SLC24A2: variants seen among roughly 807,000 people sequenced by gnomAD.
The protein encoded by SLC24A2 is solute carrier family 24 member 2, also known as sodium/potassium/calcium exchanger 2.
Under a neutral mutation model 62.0 loss-of-function variants are expected in SLC24A2, and 36 were observed. The observed-to-expected ratio is 0.58, with a 90% CI of 0.44 to 0.77. The LOEUF is 0.77. SLC24A2 is among the 30% of genes least tolerant of loss of function. SLC24A2 has a pLI of 0.00. For synonymous variants in SLC24A2, 358 were observed against 294.0 expected, an observed-to-expected ratio of 1.22 and a Z score of -2.23; for missense variants, 846 against 817.9, an observed-to-expected ratio of 1.03 and a Z score of -0.42.
chr9:20,258,377 C>A, the SLC24A2 span, among the ~76,000 whole-genome samples: 1 of 152,200 alleles, frequency 6.6e-6, no homozygotes, highest in African/African-American at 2.4e-5. Flanking sequence ...CCAGGTTTAT[C>A]TTTGAGGGTG....
intron 7 of SLC24A2, among the ~76,000 whole-genome samples, chr9:19,559,944 G>C (rs1485482908): frequency 6.6e-6 from 1 of 152,132 alleles, no homozygotes; most frequent in African/African-American, 2.4e-5. Context: ...CTGGGTTGTG[G>C]ATCATTTTGG....
At chr9:19,871,396 A>G in the SLC24A2 span, among the ~76,000 whole-genome samples, 1 of 152,174 alleles carries the variant, frequency 6.6e-6, no homozygotes, top group African/African-American at 2.4e-5. Flanking sequence ...AAGAACAGAA[A>G]GATTGATGTT....
At chr9:20,266,954 C>G in the SLC24A2 span, among the ~76,000 whole-genome samples, 3 of 151,700 alleles carry the variant, frequency 2.0e-5, no homozygotes, top group South Asian at 4.2e-4. Flanking sequence ...TAGTGGAACA[C>G]ATCTGTAGTC....
the SLC24A2 span, among the ~76,000 whole-genome samples, chr9:20,221,021 T>C: frequency 6.6e-6 from 1 of 152,168 alleles, no homozygotes; most frequent in East Asian, 1.9e-4. Context: ...GTTTACAAAA[T>C]AGGCAAAAAA....
the SLC24A2 span, among the ~76,000 whole-genome samples, chr9:20,051,427 G>T: frequency 3.3e-5 from 5 of 151,930 alleles, no homozygotes; most frequent in Non-Finnish European, 4.4e-5. Flanking sequence ...CTCAGTATTT[G>T]ATAGAACAGA....
the SLC24A2 span, among the ~76,000 whole-genome samples, chr9:20,293,979 G>A: frequency 9.9e-5 from 15 of 152,130 alleles, no homozygotes; most frequent in East Asian, 3.9e-4. Context: ...CTCCCATTCC[G>A]TGTATCTCTG....
chr9:19,688,955 T>C (rs1452433207), intron 2 of SLC24A2, among the ~76,000 whole-genome samples: 1 of 152,134 alleles, frequency 6.6e-6, no homozygotes, highest in African/African-American at 2.4e-5. Context: ...ACATGAAACT[T>C]TAGATTCTAT....
the SLC24A2 span, among the ~76,000 whole-genome samples, chr9:19,833,631 G>A: frequency 9.9e-5 from 15 of 152,246 alleles, no homozygotes; most frequent in Non-Finnish European, 1.9e-4. Flanking sequence ...GTCTGCCTCT[G>A]TAGGCTCCAC....
the SLC24A2 span, among the ~76,000 whole-genome samples, chr9:19,942,890 A>G: frequency 6.6e-6 from 1 of 152,296 alleles, no homozygotes; most frequent in South Asian, 2.1e-4. Flanking sequence ...GTTGTAAACA[A>G]AATTCACTAT....
chr9:20,059,155 G>T, the SLC24A2 span, among the ~76,000 whole-genome samples: 1 of 152,186 alleles, frequency 6.6e-6, no homozygotes, highest in Non-Finnish European at 1.5e-5. Flanking sequence ...ATGTGATTAA[G>T]AATTCCAAGA....
chr9:19,960,817 T>C, the SLC24A2 span, among the ~76,000 whole-genome samples: 1 of 152,186 alleles, frequency 6.6e-6, no homozygotes, highest in Non-Finnish European at 1.5e-5. Context: ...TTCACAGGGT[T>C]GTCGTGAGCA....
At chr9:19,722,659 A>G (rs1184782740) in intron 2 of SLC24A2, among the ~76,000 whole-genome samples, 1 of 4,204 alleles carries the variant, frequency 2.4e-4, no homozygotes, top group Non-Finnish European at 4.3e-4. Flanking sequence ...TAGGATATTA[A>G]AAAAAAAAAA....
At chr9:20,043,563 G>A in the SLC24A2 span, among the ~76,000 whole-genome samples, 2 of 152,246 alleles carry the variant, frequency 1.3e-5, no homozygotes, top group African/African-American at 4.8e-5. Flanking sequence ...GAGTTTGGAA[G>A]AAGCTGATTC....
chr9:19,517,412 A>T (rs1832984829), intron 10 of SLC24A2, among the ~76,000 whole-genome samples: 2 of 152,180 alleles, frequency 1.3e-5, no homozygotes, highest in Non-Finnish European at 2.9e-5. Flanking sequence ...CTCTTTTGAA[A>T]CATTACATTC....
At chr9:20,112,003 G>T in the SLC24A2 span, among the ~76,000 whole-genome samples, 1 of 152,092 alleles carries the variant, frequency 6.6e-6, no homozygotes, top group Admixed American at 6.6e-5. Context: ...ATATAGTTTT[G>T]AATAATAACT....
the SLC24A2 span, among the ~76,000 whole-genome samples, chr9:20,101,680 G>C: frequency 6.6e-6 from 1 of 152,066 alleles, no homozygotes; most frequent in Non-Finnish European, 1.5e-5. Context: ...CTTTCCCTTT[G>C]GGAAAGTAAG....
At chr9:19,871,266 C>T in the SLC24A2 span, among the ~76,000 whole-genome samples, 1 of 152,106 alleles carries the variant, frequency 6.6e-6, no homozygotes, top group Non-Finnish European at 1.5e-5. Flanking sequence ...GAACATAATT[C>T]ATTTTTTCTT....
chr9:19,984,113 G>A, the SLC24A2 span, among the ~76,000 whole-genome samples: 1 of 152,294 alleles, frequency 6.6e-6, no homozygotes, highest in South Asian at 2.1e-4. Context: ...TTATCAGAAT[G>A]TAACCCTGTT....
chr9:19,981,509 A>G, the SLC24A2 span, among the ~76,000 whole-genome samples: 1 of 152,146 alleles, frequency 6.6e-6, no homozygotes, highest in Non-Finnish European at 1.5e-5. Flanking sequence ...GTTTTTTTTA[A>G]TTTTTGGAAT....
Sources: gnomAD v4.1 joint callset for allele counts (sites outside exome capture counted in the v4.1 genomes callset) on GRCh38, gnomAD v4.1.1 for gene constraint, MANE v1.5 for transcripts, NCBI Gene and HGNC (gene_info 2026-07-23, HGNC 2026-07-21) for gene names.